The following MAP2K5 variants were observed in gnomAD, a reference collection of about 807,000 sequenced individuals.
MAP2K5 encodes the protein dual specificity mitogen-activated protein kinase kinase 5.
In MAP2K5, 49 loss-of-function variants were observed where a neutral mutation model predicts 83.1. That is an observed-to-expected ratio of 0.59 (90% confidence interval 0.47 to 0.75). MAP2K5 has a LOEUF of 0.75. MAP2K5 is among the 30% of genes least tolerant of loss of function. MAP2K5 has a pLI of 0.00. For synonymous variants in MAP2K5, 202 were observed against 191.8 expected (o/e 1.05, Z -0.44); for missense variants, 457 against 557.5 (o/e 0.82, Z 1.82).
chr15:67,634,440 A>G (rs1043714916), intron 9 of MAP2K5, among the ~76,000 whole-genome samples: 2 of 144,120 alleles, frequency 1.4e-5, no homozygotes, highest in Non-Finnish European at 3.0e-5. Context: ...AGGGTATTGT[A>G]TAATGTCAAT....
At chr15:67,739,449 TATATATATATATA>T (rs1239920651) in intron 17 of MAP2K5, among the ~76,000 whole-genome samples, 59 of 15,092 alleles carry the variant, frequency 3.9e-3, no homozygotes, top group East Asian at 0.011. Flanking sequence ...TATATATATA[TATATATATATATA>T]TTTTTTTTTT....
intron 3 of MAP2K5, among the ~76,000 whole-genome samples, chr15:67,574,141 T>A (rs1393087115): frequency 1.3e-5 from 2 of 152,198 alleles, no homozygotes; most frequent in African/African-American, 4.8e-5. Context: ...TAACAGTATT[T>A]CTCAAGAGTG....
At chr15:67,772,686 G>A (rs778153076) in intron 20 of MAP2K5, 21 bp from the exon 21 acceptor site, 2 of 1,534,946 alleles carry the variant, frequency 1.3e-6, no homozygotes, top group East Asian at 4.7e-5. Flanking sequence ...AACATAAGGG[G>A]TTTTTTTCTC....
intron 19 of MAP2K5, among the ~76,000 whole-genome samples, chr15:67,753,219 G>GTCATT (rs909881467): frequency 1.3e-5 from 2 of 152,224 alleles, no homozygotes; most frequent in Admixed American, 1.3e-4. Flanking sequence ...AGACTTAAAT[G>GTCATT]TAAGAGTAAA....
At position 67,561,249 on chromosome 15, in the gene MAP2K5, C is replaced by A. The variant is rs527847179; in HGVS notation, c.185-2034C>A. ...TGTGTGGTGATATGTAACATTACATCATTTGTACTTTGTTTTTTCCTGTCT... is the reference window on the plus strand; with the variant it reads ...TGTGTGGTGATATGTAACATTACATAATTTGTACTTTGTTTTTTCCTGTCT... On this transcript the variant is annotated intron_variant, in intron 2 of 21. Transcript: ENST00000178640. The surrounding 1 kb of genome is among the most constrained non-coding windows in gnomAD (Gnocchi z 4.2). Among the ~76,000 whole-genome samples, 25 of 152,234 alleles carry A rather than the reference C, an allele frequency of 1.6e-4. 1 individual carries two copies. Among genetic ancestry groups the A allele is most frequent in the Admixed American group, 4.6e-4 (7 of 15,286 alleles).
Position 67,665,712 on chromosome 15 carries a change from T to A in MAP2K5, c.847+1067T>A, listed in dbSNP as rs2087359418. 6.6e-6 allele frequency among the ~76,000 whole-genome samples: 1 copy of A among 152,158 alleles called. No individual in the cohort carries two copies. The highest frequency in any genetic ancestry group is 1.5e-5 in the Non-Finnish European group (1 of 68,034). ...AAGGTATTTAACTGACTAAATGGAA[T>A]CATAAACTAGATTTATTTTTAAAGC... On this transcript the variant is annotated intron_variant, in intron 13 of 21. Coordinates refer to ENST00000178640, the MANE Select transcript of MAP2K5 (RefSeq NM_145160.3). This position sits in a 1 kb window ranked among gnomAD's most constrained non-coding sequence, Gnocchi z 4.2.
chr15:67,550,197 A>G (rs2084480600), intron 2 of MAP2K5, 115 bp downstream of exon 2: 1 of 699,202 alleles, frequency 1.4e-6, no homozygotes. Flanking sequence ...TGACCATCAT[A>G]TGGTACATTT....
At chr15:67,693,239 C>A (rs1288044951) in intron 14 of MAP2K5, among the ~76,000 whole-genome samples, 1 of 152,098 alleles carries the variant, frequency 6.6e-6, no homozygotes, top group Non-Finnish European at 1.5e-5. Context: ...TTATATCAGG[C>A]GGGTTTGGGA....
chr15:67,686,418 G>A (rs1183006902), intron 13 of MAP2K5, among the ~76,000 whole-genome samples: 2 of 151,832 alleles, frequency 1.3e-5, no homozygotes, highest in African/African-American at 4.8e-5. Context: ...ACCAGCCTGG[G>A]CAACATGGTG....
At chr15:67,645,204 G>T (rs1440200307) in intron 9 of MAP2K5, among the ~76,000 whole-genome samples, 1 of 151,136 alleles carries the variant, frequency 6.6e-6, no homozygotes, top group African/African-American at 2.4e-5. Context: ...TTGGCCAGTT[G>T]TGATGGCTCA....
intron 8 of MAP2K5, among the ~76,000 whole-genome samples, chr15:67,626,262 G>A (rs2086318660): frequency 6.6e-6 from 1 of 152,142 alleles, no homozygotes; most frequent in African/African-American, 2.4e-5. Context: ...GCTCACACCT[G>A]TAGTAGTCTC....
At chr15:67,557,425 G>C (rs1397016299) in intron 2 of MAP2K5, among the ~76,000 whole-genome samples, 1 of 152,134 alleles carries the variant, frequency 6.6e-6, no homozygotes, top group Non-Finnish European at 1.5e-5. Flanking sequence ...CTTCACACTT[G>C]TCAAACCGTG....
At chr15:67,574,494 C>A (rs562070848) in intron 3 of MAP2K5, among the ~76,000 whole-genome samples, 1 of 151,312 alleles carries the variant, frequency 6.6e-6, no homozygotes, top group Non-Finnish European at 1.5e-5. Flanking sequence ...ATCACTTGAA[C>A]CCAGGAGGCG....
intron 8 of MAP2K5, among the ~76,000 whole-genome samples, chr15:67,601,570 T>C (rs1779991651): frequency 6.6e-6 from 1 of 152,234 alleles, no homozygotes; most frequent in Non-Finnish European, 1.5e-5. Flanking sequence ...GGTTGTGATA[T>C]TAGATCACAA....
At chr15:67,705,969 G>A (rs2088542322) in intron 16 of MAP2K5, among the ~76,000 whole-genome samples, 1 of 152,116 alleles carries the variant, frequency 6.6e-6, no homozygotes, top group East Asian at 1.9e-4. Context: ...AGGGGCCAGG[G>A]CAAATATAGC....
chr15:67,543,456 T>C lies in MAP2K5; in HGVS notation c.121T>C (p.Phe41Leu). Residue 41 changes from phenylalanine to leucine, a missense_variant, in exon 1 of 22, where the codon TTC (phenylalanine) becomes CTC (leucine). Coordinates refer to ENST00000178640, the MANE Select transcript of MAP2K5 (RefSeq NM_145160.3). This position sits in a 1 kb window ranked among gnomAD's most constrained non-coding sequence, Gnocchi z 4.3. ...WTVHSGPQLL[F>L]RDVLDVIGQV... The stretch of plus-strand genomic sequence containing the variant: ...AGTGCACTCCGGGCCGCAGTTACTC[T>C]TCAGGGATGTGCTGGTGAGTGGTAA... 5 of 1,614,152 alleles carry C rather than the reference T, an allele frequency of 3.1e-6. No individual in the cohort carries two copies. The highest frequency in any genetic ancestry group is 4.2e-6 in the Non-Finnish European group (5 of 1,180,022).
At chr15:67,671,589 T>G (rs1388370818) in intron 13 of MAP2K5, among the ~76,000 whole-genome samples, 1 of 152,118 alleles carries the variant, frequency 6.6e-6, no homozygotes, top group Non-Finnish European at 1.5e-5. Context: ...GTATTATAAT[T>G]AATAAGGAAT....
intron 9 of MAP2K5, among the ~76,000 whole-genome samples, chr15:67,643,647 C>T (rs979909789): frequency 2.6e-5 from 4 of 152,064 alleles, no homozygotes; most frequent in African/African-American, 7.2e-5. Flanking sequence ...GGGGTTTCAC[C>T]GTGTTAGCCA....
chr15:67,600,563 G>A (rs549239569), intron 7 of MAP2K5, 122 bp from the exon 8 acceptor site: 6 of 696,370 alleles, frequency 8.6e-6, no homozygotes, highest in African/African-American at 3.7e-5. Context: ...TGATCTTCTC[G>A]TTTTTGCAGC....
Sources: allele counts gnomAD v4.1 joint callset (sites outside exome capture counted in the v4.1 genomes callset), GRCh38; gene constraint gnomAD v4.1.1; non-coding constraint Gnocchi (gnomAD v3.1); transcripts MANE v1.5; gene names NCBI Gene and HGNC (gene_info 2026-07-23, HGNC 2026-07-21).